Variants in SMC5 observed in about 807,000 individuals in gnomAD.
SMC5 encodes the protein structural maintenance of chromosomes 5, also known as structural maintenance of chromosomes protein 5.
SMC5 carries 88 observed loss-of-function variants against 148.3 expected under a neutral mutation model. That is an observed-to-expected ratio of 0.59 (90% CI 0.50 to 0.71). The LOEUF (loss-of-function observed/expected upper bound fraction) is 0.71. Ranked by LOEUF, SMC5 falls within the 30% of genes least tolerant of loss-of-function variation. SMC5 has a pLI of 0.00. For synonymous variants in SMC5, 421 were observed against 432.8 expected (o/e 0.97, Z 0.34); for missense variants, 1,142 against 1,298.9 (o/e 0.88, Z 1.86).
intron 19 of SMC5, 137 bp downstream of exon 19, chr9:70,346,786 C>A: frequency 4.6e-6 from 4 of 870,964 alleles, no homozygotes; most frequent in Non-Finnish European, 7.4e-6. Flanking sequence ...TGAACTGATA[C>A]TTCTTTTCTC....
At chr9:70,347,250 G>A (rs995567080) in intron 20 of SMC5, 89 bp downstream of exon 20, 77 of 1,008,350 alleles carry the variant, frequency 7.6e-5, no homozygotes, top group Non-Finnish European at 1.4e-5. Context: ...GTTCCCTCCA[G>A]TACTTGCCTC....
intron 18 of SMC5, among the ~76,000 whole-genome samples, chr9:70,345,171 T>C (rs982535365): frequency 6.6e-6 from 1 of 151,272 alleles, no homozygotes; most frequent in Non-Finnish European, 1.5e-5. Context: ...ATAAGTACAA[T>C]CTACTAATTT....
chr9:70,317,339 A>C (rs1034732020), intron 13 of SMC5, among the ~76,000 whole-genome samples: 1 of 152,140 alleles, frequency 6.6e-6, no homozygotes, highest in Non-Finnish European at 1.5e-5. Context: ...AATTTCTAAG[A>C]TTCTCCCTTT....
intron 11 of SMC5, among the ~76,000 whole-genome samples, chr9:70,307,488 T>G (rs2035535860): frequency 6.6e-6 from 1 of 152,150 alleles, no homozygotes; most frequent in African/African-American, 2.4e-5. Context: ...AATTGTTTTA[T>G]GTATTTTAAT....
intron 11 of SMC5, among the ~76,000 whole-genome samples, chr9:70,306,602 A>G (rs547877525): frequency 1.3e-5 from 2 of 152,366 alleles, no homozygotes; most frequent in African/African-American, 2.4e-5. Context: ...TGTAAAGGGC[A>G]TGCAGTCAGA....
intron 17 of SMC5, among the ~76,000 whole-genome samples, chr9:70,340,231 C>T (rs1196653471): frequency 6.6e-6 from 1 of 151,808 alleles, no homozygotes; most frequent in African/African-American, 2.4e-5. Flanking sequence ...TTTCATCTGA[C>T]CTCTCTTCTG....
chr9:70,268,474 T>C (rs896132920), intron 3 of SMC5, among the ~76,000 whole-genome samples: 1 of 148,832 alleles, frequency 6.7e-6, no homozygotes, highest in Non-Finnish European at 1.5e-5. Context: ...AAAAAAAAAC[T>C]TGTGAGAATT....
chr9:70,260,139 C>T (rs1047996665), intron 1 of SMC5, among the ~76,000 whole-genome samples: 7 of 151,264 alleles, frequency 4.6e-5, no homozygotes, highest in African/African-American at 1.7e-4. Context: ...GAGTGTCATA[C>T]TGTCGTCCGG....
At chr9:70,295,329 G>A (rs2035169896) in intron 8 of SMC5, among the ~76,000 whole-genome samples, 1 of 151,950 alleles carries the variant, frequency 6.6e-6, no homozygotes, top group Admixed American at 6.5e-5. Context: ...AAATTAGCCG[G>A]GCGTGGTGGC....
At chr9:70,295,579 T>TA (rs1439909821) in intron 8 of SMC5, among the ~76,000 whole-genome samples, 2 of 152,140 alleles carry the variant, frequency 1.3e-5, no homozygotes, top group African/African-American at 2.4e-5. Context: ...GGTTTAGACT[T>TA]ACTGTACCTG....
Position 70,259,122 on chromosome 9 carries a change from C to T in SMC5, c.44C>T (p.Pro15Leu). The part of the protein sequence containing the change: ...SKKTSTPSPQ[P>L]SKRALPRDPS... ...AAGACGTCAACTCCAAGCCCCCAGC[C>T]TTCCAAGAGAGCTCTCCCGAGAGAC... is the stretch of plus-strand genomic sequence containing the variant. Residue 15 changes from proline (P) to leucine (L), a missense_variant, in exon 1 of 25, where the codon CCT becomes CTT. This residue lies in a region of SMC5 where 297 missense variants were observed against 302.6 expected (regional missense o/e 0.98). Coordinates refer to ENST00000361138, the MANE Select transcript of SMC5 (RefSeq NM_015110.4). The T allele has an allele frequency of 6.2e-7, 1 of 1,612,222 alleles. No homozygotes were observed.
chr9:70,328,185 A>T lies in SMC5; in HGVS notation c.2397+4042A>T, dbSNP rs75290746. ...TATCATTCTGCCCCTGGCCCTTCCG[A>T]AATCTTGTGTCCTTTTCATATTTCA... On this transcript the variant is annotated intron_variant, in intron 17 of 24. Coordinates refer to ENST00000361138, the MANE Select transcript of SMC5 (RefSeq NM_015110.4). Among the ~76,000 whole-genome samples the T allele has an allele frequency of 8.2e-3, 1,248 of 152,142 alleles. 17 individuals carry two copies. The highest frequency in any genetic ancestry group is 0.029 in the African/African-American group (1,202 of 41,506).
chr9:70,338,907 A>G (rs2036436913), intron 17 of SMC5, among the ~76,000 whole-genome samples: 2 of 152,138 alleles, frequency 1.3e-5, no homozygotes, highest in South Asian at 4.1e-4. Context: ...TATAGTTCCA[A>G]CTACTTTGGA....
Position 70,280,907 on chromosome 9 carries a change from A to G in SMC5, c.819+8A>G. The G allele has an allele frequency of 6.2e-7, 1 of 1,613,402 alleles. No individual in the cohort carries two copies. Among genetic ancestry groups the G allele is most frequent in the Non-Finnish European group, 8.5e-7 (1 of 1,179,866 alleles). On this transcript the variant is annotated splice_region_variant and intron_variant, in intron 6 of 24. Transcript: ENST00000361138. Reference sequence around the variant, plus strand: ...GCAAAAAGGCCATGGGTGGTAAGTCATAATTTTTAGAGGCAAAGTACGTGT... The same window carrying G: ...GCAAAAAGGCCATGGGTGGTAAGTCGTAATTTTTAGAGGCAAAGTACGTGT...
intron 17 of SMC5, among the ~76,000 whole-genome samples, chr9:70,327,165 A>G (rs2036102643): frequency 6.6e-6 from 1 of 152,186 alleles, no homozygotes; most frequent in Non-Finnish European, 1.5e-5. Flanking sequence ...ATTTTCCACT[A>G]AAGTGGCCCA....
At chr9:70,278,256 A>G (rs1020394003) in intron 4 of SMC5, among the ~76,000 whole-genome samples, 2 of 152,096 alleles carry the variant, frequency 1.3e-5, no homozygotes, top group Non-Finnish European at 2.9e-5. Flanking sequence ...ATACATATGT[A>G]GACATTTCAA....
intron 3 of SMC5, among the ~76,000 whole-genome samples, chr9:70,273,011 C>G (rs1224277404): frequency 1.3e-5 from 2 of 152,032 alleles, no homozygotes; most frequent in African/African-American, 4.8e-5. Context: ...TAGAATAACC[C>G]AGTTTGGTCA....
In SMC5 at chr9:70,352,329, TAATAAA is replaced by T; in HGVS notation, c.3306_*5del. The T allele has an allele frequency of 6.3e-7, 1 of 1,586,394 alleles. No homozygotes were observed. The highest frequency in any genetic ancestry group is 8.5e-7 in the Non-Finnish European group (1 of 1,169,612). On this transcript the variant is annotated stop_retained_variant and 3_prime_UTR_variant, in exon 25 of 25. Transcript: ENST00000361138. ...CCGTATTACATTCACTCAACCTTCT[TAATAAA>T]AGTAAAGAGAGGGAACTTGGGAATT...
intron 3 of SMC5, among the ~76,000 whole-genome samples, chr9:70,272,805 C>T (rs2034486509): frequency 6.6e-6 from 1 of 152,138 alleles, no homozygotes; most frequent in Non-Finnish European, 1.5e-5. Flanking sequence ...GCTAGTGAGT[C>T]AGAAGAATAC....
Sources: allele counts gnomAD v4.1 joint callset (sites outside exome capture counted in the v4.1 genomes callset), GRCh38; gene constraint gnomAD v4.1.1; regional missense constraint gnomAD v4.1.1; transcripts MANE v1.5; gene names NCBI Gene and HGNC (gene_info 2026-07-23, HGNC 2026-07-21).